The following RPAP3 variants were observed in gnomAD, a reference collection of about 807,000 sequenced individuals.
RPAP3 encodes RNA polymerase II associated protein 3.
RPAP3 carries 58 observed loss-of-function variants against 88.8 expected under a neutral mutation model. That is an observed-to-expected ratio of 0.65 (90% CI 0.53 to 0.81). RPAP3 has a LOEUF of 0.81. Among genes scored for constraint, RPAP3 ranks in the 40% least tolerant of loss-of-function variants. RPAP3 has a pLI of 0.00. For missense variants in RPAP3, 751 were observed against 764.3 expected, an observed-to-expected ratio of 0.98 and a Z score of 0.20; for synonymous variants, 255 against 259.9, an observed-to-expected ratio of 0.98 and a Z score of 0.18.
intron 4 of RPAP3, among the ~76,000 whole-genome samples, chr12:47,696,963 G>A (rs1939544565): frequency 6.6e-6 from 1 of 152,060 alleles, no homozygotes. Context: ...CACTGTATGG[G>A]TACAACCCAA....
chr12:47,696,314 C>T lies in RPAP3; in HGVS notation c.507G>A (p.Leu169=). ...GMDADPYNPV[L]PTNRASAYFR... ...AATATGCTGACGCTCTGTTCGTTGG[C>T]AACACGGGATTATATGGATCGGCAT... The change falls in exon 5 of 17, where the codon TTG becomes TTA. Residue 169 remains leucine, a synonymous_variant. Transcript: ENST00000005386. 6.3e-7 allele frequency: 1 copy of T among 1,585,900 alleles called. No homozygotes were observed. Among genetic ancestry groups the T allele is most frequent in the Non-Finnish European group, 8.6e-7 (1 of 1,166,154 alleles).
At chr12:47,669,178 A>T (rs1592468101) in intron 13 of RPAP3, 76 bp from the exon 14 acceptor site, 1 of 991,528 alleles carries the variant, frequency 1.0e-6, no homozygotes, top group South Asian at 1.8e-5. Flanking sequence ...ATCAATAAAA[A>T]TTTTTAAATT....
rs1416868759 is a variant in RPAP3 at position 47,667,023 on chromosome 12, C to T, written c.1869G>A (p.Arg623=). Residue 623 remains arginine, a synonymous_variant, in exon 16 of 17, where the codon AGG becomes AGA. Coordinates refer to ENST00000005386, the MANE Select transcript of RPAP3 (RefSeq NM_024604.3). ...ACATAAACATCACTGCCATATCAAA[C>T]CTTTTTAGTTCAGAAAGTCTTTGTA... is the stretch of plus-strand genomic sequence containing the variant. ...EILQRLSELK[R]FDMAVMFMSE... is the part of the protein sequence containing the mutation. 1.9e-6 allele frequency: 3 copies of T among 1,538,818 alleles called. No individual in the cohort carries two copies. Among genetic ancestry groups the T allele is most frequent in the Non-Finnish European group, 1.7e-6 (2 of 1,151,442 alleles).
chr12:47,701,461 T>C lies in RPAP3; in HGVS notation c.294+3A>G. ...TAAGAAGCAAATGACTAGATTAACT[T>C]ACCACATCAAGTTTTGCCCATGCCT... On this transcript the variant is annotated splice_donor_region_variant and intron_variant, in intron 3 of 16. Coordinates refer to ENST00000005386, the MANE Select transcript of RPAP3 (RefSeq NM_024604.3). 1 of 1,558,836 alleles carries C rather than the reference T, an allele frequency of 6.4e-7. No individual in the cohort carries two copies. Among genetic ancestry groups the C allele is most frequent in the Non-Finnish European group, 8.6e-7 (1 of 1,158,498 alleles).
At chr12:47,680,575 T>C (rs1939203725) in intron 10 of RPAP3, among the ~76,000 whole-genome samples, 1 of 151,938 alleles carries the variant, frequency 6.6e-6, no homozygotes, top group South Asian at 2.1e-4. Flanking sequence ...ATCAATTATC[T>C]AAGTACTGAT....
chr12:47,686,989 A>G, intron 8 of RPAP3, 82 bp from the exon 9 acceptor site: 3 of 787,660 alleles, frequency 3.8e-6, no homozygotes, highest in Non-Finnish European at 5.7e-6. Flanking sequence ...GAAACACTGC[A>G]AGGATATTCA....
chr12:47,667,498 C>T (rs1427799065), intron 15 of RPAP3, among the ~76,000 whole-genome samples: 1 of 152,042 alleles, frequency 6.6e-6, no homozygotes, highest in Non-Finnish European at 1.5e-5. Flanking sequence ...ATCAACTTCC[C>T]AAATCATTGG....
At chr12:47,694,281 A>T (rs1939481211) in intron 5 of RPAP3, among the ~76,000 whole-genome samples, 1 of 152,230 alleles carries the variant, frequency 6.6e-6, no homozygotes, top group Non-Finnish European at 1.5e-5. Context: ...CTCGGCAAAC[A>T]TGACATATGA....
At chr12:47,667,888 A>G (rs1938914616) in intron 14 of RPAP3, 37 bp from the exon 15 acceptor site, 2 of 1,270,958 alleles carry the variant, frequency 1.6e-6, no homozygotes, top group Non-Finnish European at 2.3e-6. Flanking sequence ...ACTTGATGGC[A>G]ACACTTACAT....
At chr12:47,684,354 G>A (rs1326264836) in intron 9 of RPAP3, among the ~76,000 whole-genome samples, 1 of 152,190 alleles carries the variant, frequency 6.6e-6, no homozygotes, top group Non-Finnish European at 1.5e-5. Flanking sequence ...TGGTAGGTAA[G>A]ACTGACTATA....
intron 9 of RPAP3, among the ~76,000 whole-genome samples, chr12:47,685,080 T>C (rs1939295397): frequency 6.6e-6 from 1 of 152,170 alleles, no homozygotes; most frequent in Admixed American, 6.5e-5. Context: ...TTGTCACCAA[T>C]AAAAATCAGA....
chr12:47,690,950 T>C (rs1373514141), intron 5 of RPAP3, among the ~76,000 whole-genome samples: 1 of 152,258 alleles, frequency 6.6e-6, no homozygotes. Flanking sequence ...GCAAAAGCTT[T>C]ATGTCTAAAT....
At chr12:47,690,433 G>T (rs1939406326) in intron 6 of RPAP3, 85 bp downstream of exon 6, 1 of 1,120,828 alleles carries the variant, frequency 8.9e-7, no homozygotes, top group Non-Finnish European at 1.2e-6. Context: ...TCTGAAGGTA[G>T]TAACTGTGAT....
rs756518385 is a variant in RPAP3, at chr12:47,690,655, A to T, written c.546-16T>A. 7.0e-7 allele frequency: 1 copy of T among 1,429,206 alleles called. No individual in the cohort carries two copies. The highest frequency in any genetic ancestry group is 1.4e-5 in the African/African-American group (1 of 69,468). The allele number at this position is 1,429,206 out of a possible 1,614,324, so 88.5% of individuals were successfully genotyped here. A position where few individuals can be genotyped will look rare whatever the true frequency, so the allele number is the denominator to read the frequency against. On this transcript the variant is annotated splice_polypyrimidine_tract_variant and intron_variant, in intron 5 of 16. Coordinates refer to ENST00000005386, the MANE Select transcript of RPAP3 (RefSeq NM_024604.3). ...AACAGCAAATCTGCAATTTAAAAAC[A>T]TTAAAATAAATAAAGTTAATAAAAC...
At position 47,662,671 on chromosome 12, in the gene RPAP3, A is replaced by C. The variant is rs919321342; in HGVS notation, c.*834T>G. On this transcript the variant is annotated 3_prime_UTR_variant, in exon 17 of 17. Transcript: ENST00000005386. ...ATGATTCTTGCGTCAAATTCAATTA[A>C]ATTTTATAAGTATCAGTTGAGCACC... is the stretch of plus-strand genomic sequence containing the variant. The C allele has an allele frequency of 6.6e-6, 1 of 152,306 alleles. No homozygotes were observed. The highest frequency in any genetic ancestry group is 6.5e-5 in the Admixed American group (1 of 15,296). The allele number at this position is 152,306 out of a possible 1,614,324, so 9.4% of individuals were successfully genotyped here. A position where few individuals can be genotyped will look rare whatever the true frequency, so the allele number is the denominator to read the frequency against.
chr12:47,697,512 A>C, intron 4 of RPAP3, 85 bp downstream of exon 4: 1 of 1,309,826 alleles, frequency 7.6e-7, no homozygotes, highest in Non-Finnish European at 1.1e-6. Flanking sequence ...ACGTACTAAA[A>C]CTATGCTCAA....
intron 5 of RPAP3, 123 bp downstream of exon 5, chr12:47,696,153 G>T: frequency 1.2e-6 from 1 of 826,546 alleles, no homozygotes; most frequent in Non-Finnish European, 1.7e-6. Flanking sequence ...AGAATTTACA[G>T]TTGAAAAGAA....
intron 12 of RPAP3, 112 bp downstream of exon 12, chr12:47,679,381 G>A (rs1939178112): frequency 1.6e-6 from 1 of 631,044 alleles, no homozygotes; most frequent in Non-Finnish European, 2.8e-6. Context: ...ATGTACCCTA[G>A]AACTTAAAGT....
At position 47,667,861 on chromosome 12, in the gene RPAP3, A is replaced by AAGGCC; in HGVS notation, c.1714-11_1714-10insGGCCT. 1 of 1,547,868 alleles carries AAGGCC rather than the reference A, an allele frequency of 6.5e-7. No homozygotes were observed. The highest frequency in any genetic ancestry group is 8.9e-7 in the Non-Finnish European group (1 of 1,129,040). ...AAGATGGTTCAATTTGCTTGAAAAAAAAATAAAAAGACAATTACTTGATGG... is the reference window on the plus strand; with the variant it reads ...AAGATGGTTCAATTTGCTTGAAAAAAAGGCCAAATAAAAAGACAATTACTTGATGG... On this transcript the variant is annotated splice_polypyrimidine_tract_variant and intron_variant, in intron 14 of 16. Coordinates refer to ENST00000005386, the MANE Select transcript of RPAP3 (RefSeq NM_024604.3).
Sources: gnomAD v4.1 joint callset for allele counts (sites outside exome capture counted in the v4.1 genomes callset) on GRCh38, gnomAD v4.1.1 for gene constraint, MANE v1.5 for transcripts, NCBI Gene and HGNC (gene_info 2026-07-23, HGNC 2026-07-21) for gene names.